NRXN3: variants seen among roughly 807,000 people sequenced by gnomAD.
The protein encoded by NRXN3 is neurexin 3.
A neutral mutation model predicts 137.6 loss-of-function variants in NRXN3; 32 were observed. That is an observed-to-expected ratio of 0.23 (90% CI 0.18 to 0.31). The LOEUF (loss-of-function observed/expected upper bound fraction) is 0.31, where lower values mean the gene tolerates loss of function less well. Ranked by LOEUF, NRXN3 falls within the 10% of genes least tolerant of loss-of-function variation. The pLI is 1.00. For missense variants in NRXN3, 1,574 were observed against 2,062.5 expected (o/e 0.76, Z 4.59); for synonymous variants, 798 against 784.5 (o/e 1.02, Z -0.29).
chr14:79,514,876 T>C (rs574536047), intron 16 of NRXN3, among the ~76,000 whole-genome samples: 3 of 151,086 alleles, frequency 2.0e-5, no homozygotes, highest in Non-Finnish European at 2.9e-5. Flanking sequence ...ATGATGCGTT[T>C]TCTCTCACCG....
chr14:78,447,336 T>C (rs1598787732), intron 4 of NRXN3, among the ~76,000 whole-genome samples: 1 of 152,264 alleles, frequency 6.6e-6, no homozygotes, highest in East Asian at 1.9e-4. Context: ...CTTTTAATCA[T>C]ACATTTTGAC....
At chr14:78,454,728 A>G (rs2094642177) in intron 4 of NRXN3, among the ~76,000 whole-genome samples, 1 of 152,242 alleles carries the variant, frequency 6.6e-6, no homozygotes, top group Non-Finnish European at 1.5e-5. Context: ...TAGAGAACTG[A>G]GACCTGAAAG....
At chr14:79,509,179 G>A (rs1336034883) in intron 16 of NRXN3, among the ~76,000 whole-genome samples, 2 of 152,052 alleles carry the variant, frequency 1.3e-5, no homozygotes, top group Non-Finnish European at 2.9e-5. Flanking sequence ...GGGTGACAGA[G>A]CAAGACTCTG....
chr14:78,561,504 G>A (rs556106669), intron 4 of NRXN3, among the ~76,000 whole-genome samples: 38 of 152,160 alleles, frequency 2.5e-4, no homozygotes, highest in Admixed American at 5.2e-4. Flanking sequence ...TTTGGCCAGT[G>A]AATCCAAATT....
At chr14:78,410,304 A>G (rs60195559) in intron 4 of NRXN3, among the ~76,000 whole-genome samples, 21,005 of 152,198 alleles carry the variant, frequency 0.14, 1,801 homozygotes, top group African/African-American at 0.24. Context: ...TGAGTGACCT[A>G]TGTTATAGCT....
intron 11 of NRXN3, among the ~76,000 whole-genome samples, chr14:78,959,800 A>G (rs2099404543): frequency 6.6e-6 from 1 of 152,144 alleles, no homozygotes; most frequent in African/African-American, 2.4e-5. Flanking sequence ...TGCAAAGGAT[A>G]AGTCACACAT....
intron 1 of NRXN3, among the ~76,000 whole-genome samples, chr14:78,192,828 G>T: frequency 6.6e-6 from 1 of 152,148 alleles, no homozygotes; most frequent in East Asian, 1.9e-4. Context: ...CACTGAGCTT[G>T]AACCTTCGCA....
chr14:78,490,818 G>C (rs112294990), intron 4 of NRXN3, among the ~76,000 whole-genome samples: 1 of 152,070 alleles, frequency 6.6e-6, no homozygotes, highest in African/African-American at 2.4e-5. Flanking sequence ...GAAAACCAAG[G>C]CACAGACAGA....
At chr14:79,225,162 G>A (rs529617451) in intron 15 of NRXN3, among the ~76,000 whole-genome samples, 29 of 152,320 alleles carry the variant, frequency 1.9e-4, no homozygotes, top group African/African-American at 7.0e-4. Flanking sequence ...GCTCTTGGCA[G>A]CCGCCTGTTC....
Position 78,630,597 on chromosome 14 carries a change from C to CTTTT in NRXN3, c.758-14510_758-14507dup, listed in dbSNP as rs370862037. Reference sequence around the variant, plus strand: ...TCTTCTTATTTTTCTTTCTTTCTTTCTTTTTTTTTTTTTTTTGTTGTTTTT... The same window carrying CTTTT: ...TCTTCTTATTTTTCTTTCTTTCTTTCTTTTTTTTTTTTTTTTTTTTGTTGTTTTT... On this transcript the variant is annotated intron_variant, in intron 4 of 20. Coordinates refer to ENST00000335750, the MANE Select transcript of NRXN3 (RefSeq NM_001330195.2). Among the ~76,000 whole-genome samples the CTTTT allele has an allele frequency of 8.6e-3, 1,099 of 127,708 alleles. 60 individuals are homozygous for CTTTT. In the East Asian group the frequency reaches 0.17, roughly 20 times the overall value. 83.8% of individuals were successfully genotyped at this position (127,708 alleles called of 152,430 possible).
intron 10 of NRXN3, among the ~76,000 whole-genome samples, chr14:78,872,282 AAT>A (rs578184671): frequency 7.4e-4 from 109 of 147,466 alleles, no homozygotes; most frequent in African/African-American, 2.7e-3. Context: ...CATATAAATA[AAT>A]ATATATACAT....
At chr14:79,811,091 T>C (rs2099230880) in intron 20 of NRXN3, among the ~76,000 whole-genome samples, 1 of 152,204 alleles carries the variant, frequency 6.6e-6, no homozygotes, top group African/African-American at 2.4e-5. Flanking sequence ...CATGTTAAAA[T>C]TTCATTAGTC....
intron 6 of NRXN3, among the ~76,000 whole-genome samples, chr14:78,683,766 T>C (rs545482924): frequency 6.6e-6 from 1 of 152,366 alleles, no homozygotes; most frequent in East Asian, 1.9e-4. Flanking sequence ...TGACAAACTT[T>C]TGTCACTTTC....
At chr14:78,787,717 T>C (rs1348509865) in intron 8 of NRXN3, among the ~76,000 whole-genome samples, 1 of 152,142 alleles carries the variant, frequency 6.6e-6, no homozygotes, top group Non-Finnish European at 1.5e-5. Context: ...ACAGTGCTGT[T>C]CAAGATGAAA....
At chr14:79,483,582 C>T (rs2096627768) in intron 16 of NRXN3, among the ~76,000 whole-genome samples, 1 of 152,174 alleles carries the variant, frequency 6.6e-6, no homozygotes, top group South Asian at 2.1e-4. Flanking sequence ...GCAGTCTGAG[C>T]TCCAGTGACT....
intron 8 of NRXN3, among the ~76,000 whole-genome samples, chr14:78,760,322 G>A (rs1054634787): frequency 2.4e-4 from 37 of 151,136 alleles, no homozygotes; most frequent in African/African-American, 8.5e-4. Flanking sequence ...GATTACAGGT[G>A]TAAGCCACTG....
intron 4 of NRXN3, among the ~76,000 whole-genome samples, chr14:78,505,430 C>T (rs887125389): frequency 2.6e-5 from 4 of 152,112 alleles, no homozygotes; most frequent in African/African-American, 7.2e-5. Context: ...AGATTTAGAA[C>T]TGCCTGCTGG....
At chr14:78,388,946 T>C (rs1296750710) in intron 4 of NRXN3, among the ~76,000 whole-genome samples, 1 of 152,142 alleles carries the variant, frequency 6.6e-6, no homozygotes, top group Non-Finnish European at 1.5e-5. Context: ...TTTTCTGTTA[T>C]AAATAATGCT....
chr14:78,758,631 G>T (rs2152969166), intron 8 of NRXN3, among the ~76,000 whole-genome samples: 2 of 152,294 alleles, frequency 1.3e-5, no homozygotes, highest in Middle Eastern at 6.8e-3. Context: ...TCCACCTTCA[G>T]GGCAGCTCCA....
Sources: allele counts gnomAD v4.1 joint callset (sites outside exome capture counted in the v4.1 genomes callset), GRCh38; gene constraint gnomAD v4.1.1; transcripts MANE v1.5; gene names NCBI Gene and HGNC (gene_info 2026-07-23, HGNC 2026-07-21).